The following MYH11 variants were observed in gnomAD, a reference collection of about 807,000 sequenced individuals.
The protein encoded by MYH11 is myosin-11.
A neutral mutation model predicts 246.6 loss-of-function variants in MYH11; 80 were observed. That is an observed-to-expected ratio of 0.32 (90% CI 0.27 to 0.39). The LOEUF is 0.39. Among genes scored for constraint, MYH11 ranks in the 10% least tolerant of loss-of-function variants. The probability of loss-of-function intolerance (pLI) is 1.00; values close to 1 mark genes in which losing one functional copy is unlikely to be tolerated. For missense variants in MYH11, 2,158 were observed against 2,546.8 expected (o/e 0.85, Z 3.29); for synonymous variants, 1,071 against 1,015.5 (o/e 1.05, Z -1.04).
intron 3 of MYH11, among the ~76,000 whole-genome samples, chr16:15,803,483 G>T (rs906315235): frequency 2.6e-5 from 4 of 151,842 alleles, no homozygotes; most frequent in African/African-American, 9.7e-5. Flanking sequence ...CACCATGTTG[G>T]CCAGGCTGGT....
chr16:15,793,554 A>G (rs62030576), intron 4 of MYH11, among the ~76,000 whole-genome samples: 18,826 of 150,832 alleles, frequency 0.12, 1,275 homozygotes, highest in Middle Eastern at 0.26. Context: ...CGGCCTCTCA[A>G]GGCCCTGAGT....
intron 40 of MYH11, among the ~76,000 whole-genome samples, chr16:15,706,911 TCTGTTTTGG>T (rs752780520): frequency 3.9e-5 from 6 of 152,100 alleles, no homozygotes; most frequent in Middle Eastern, 3.2e-3. Flanking sequence ...TGCAAGATAC[TCTGTTTTGG>T]CTGAAGTGCT....
chr16:15,724,506 C>T (rs2040648928), intron 30 of MYH11, 97 bp from the exon 31 acceptor site: 11 of 1,607,364 alleles, frequency 6.8e-6, no homozygotes, highest in Admixed American at 1.7e-5. Context: ...CATGTCTCCT[C>T]GTTGGAGAAA....
intron 27 of MYH11, among the ~76,000 whole-genome samples, chr16:15,729,410 C>T (rs910223685): frequency 1.3e-5 from 2 of 152,268 alleles, no homozygotes; most frequent in East Asian, 3.9e-4. Context: ...ATGCCGTCTG[C>T]TGGTGGTCTT....
intron 1 of MYH11, among the ~76,000 whole-genome samples, chr16:15,846,877 T>G (rs2044203337): frequency 6.6e-6 from 1 of 151,984 alleles, no homozygotes; most frequent in African/African-American, 2.4e-5. Context: ...TCACTTAAGC[T>G]CAGGAGGTCG....
intron 10 of MYH11, among the ~76,000 whole-genome samples, chr16:15,762,698 C>A (rs2151281190): frequency 6.6e-6 from 1 of 152,306 alleles, no homozygotes; most frequent in African/African-American, 2.4e-5. Flanking sequence ...AAACTCTGAT[C>A]CACGAATGCT....
intron 2 of MYH11, among the ~76,000 whole-genome samples, chr16:15,828,586 A>C (rs1373469224): frequency 6.6e-6 from 1 of 152,186 alleles, no homozygotes; most frequent in Non-Finnish European, 1.5e-5. Flanking sequence ...TGAGGTCAGG[A>C]GTTCGAGACC....
Position 15,747,671 on chromosome 16 carries a change from G to C in MYH11, c.2310C>G (p.Phe770Leu). Residue 770 changes from phenylalanine to leucine, a missense_variant, in exon 19 of 41, where the codon TTC becomes TTG. Transcript: ENST00000300036. ...LYRIGQSKIFFRTGVLAHLEE... is the reference protein window; with the variant it reads ...LYRIGQSKIFLRTGVLAHLEE... ...CTAGGTGGGCCAGGACGCCAGTTCG[G>C]AAGAAGATTTTGCTCTGCCCTATCC... 6.2e-7 allele frequency: 1 copy of C among 1,614,164 alleles called. No homozygotes were observed. Among genetic ancestry groups the C allele is most frequent in the Non-Finnish European group, 8.5e-7 (1 of 1,180,034 alleles).
rs1060500728 is a variant in MYH11 at position 15,720,192 on chromosome 16, T to C, written c.4912A>G (p.Lys1638Glu). 10 of 1,613,932 alleles carry C rather than the reference T, an allele frequency of 6.2e-6. No homozygotes were observed. The highest frequency in any genetic ancestry group is 8.5e-6 in the Non-Finnish European group (10 of 1,180,004). The change falls in exon 34 of 41, where the codon AAG becomes GAG. Residue 1638 changes from lysine to glutamate, a missense_variant. This residue lies in a region of MYH11 where 1,013 missense variants were observed against 993.5 expected (regional missense o/e 1.02). Coordinates refer to ENST00000300036, the MANE Select transcript of MYH11 (RefSeq NM_002474.3). Reference sequence around the variant, plus strand: ...TGCTTGATGGCTTCCTCCCTCCCCTTGATGGCAGAGTCGGCCTGAAGCTCC... The same window carrying C: ...TGCTTGATGGCTTCCTCCCTCCCCTCGATGGCAGAGTCGGCCTGAAGCTCC... ...DLELQADSAI[K>E]GREEAIKQLR...
rs1471365595 is a variant in MYH11, at chr16:15,703,917, G to A, written c.*74C>T. ...GCTGGGTTTTGCTTTGTTCTGGGTT[G>A]TTGTTGGGTTTTTTTTGTTTGTTTG... On this transcript the variant is annotated 3_prime_UTR_variant, in exon 41 of 41. Transcript: ENST00000300036. The A allele has an allele frequency of 6.2e-7, 1 of 1,600,780 alleles. No homozygotes were observed. The highest frequency in any genetic ancestry group is 1.1e-5 in the South Asian group (1 of 90,324).
intron 34 of MYH11, 52 bp downstream of exon 34, chr16:15,720,099 G>A (rs1345047798): frequency 6.2e-7 from 1 of 1,612,634 alleles, no homozygotes; most frequent in Non-Finnish European, 8.5e-7. Context: ...GGTGGCCTGA[G>A]GGGAACTGTG....
intron 4 of MYH11, 110 bp downstream of exon 4, chr16:15,798,550 T>C (rs1041513732): frequency 8.9e-7 from 1 of 1,125,948 alleles, no homozygotes; most frequent in African/African-American, 1.9e-5. Context: ...CATGAACAAA[T>C]CAAAGATCTC....
chr16:15,742,741 A>T (rs565381257), intron 20 of MYH11, among the ~76,000 whole-genome samples: 6 of 151,956 alleles, frequency 3.9e-5, no homozygotes, highest in African/African-American at 9.7e-5. Context: ...CACAAATAAA[A>T]TTTTTTTAAA....
intron 3 of MYH11, among the ~76,000 whole-genome samples, chr16:15,804,320 C>T (rs2042958632): frequency 6.6e-6 from 1 of 152,068 alleles, no homozygotes; most frequent in Non-Finnish European, 1.5e-5. Flanking sequence ...CTCCTAAAGT[C>T]GGGAGTTTGA....
At position 15,721,562 on chromosome 16, in the gene MYH11, C is replaced by T. The variant is rs864622710; in HGVS notation, c.4438G>A (p.Glu1480Lys). 1.2e-6 allele frequency: 2 copies of T among 1,614,116 alleles called. No homozygotes were observed. Among genetic ancestry groups the T allele is most frequent in the Non-Finnish European group, 1.7e-6 (2 of 1,180,062 alleles). Residue 1480 changes from glutamate (E) to lysine (K), a missense_variant, in exon 32 of 41, where the codon GAG (glutamate) becomes AAG (lysine). Transcript: ENST00000300036. ...ERDRAEAEAREKETKALSLAR... is the reference protein window; with the variant it reads ...ERDRAEAEARKKETKALSLAR... ...AGGGACAGGGCCTTGGTTTCCTTCT[C>T]CCTGGCTTCTGCCTCAGCTCTGTCC...
intron 2 of MYH11, among the ~76,000 whole-genome samples, chr16:15,830,465 T>C (rs1596920158): frequency 6.6e-6 from 1 of 152,110 alleles, no homozygotes; most frequent in Non-Finnish European, 1.5e-5. Flanking sequence ...TCTACTACCA[T>C]GGATGAATGG....
chr16:15,809,258 G>A (rs2043084797), intron 3 of MYH11, among the ~76,000 whole-genome samples: 5 of 152,124 alleles, frequency 3.3e-5, no homozygotes, highest in South Asian at 4.1e-4. Context: ...ATGACCGGGC[G>A]TGGTGGATCA....
In MYH11 at chr16:15,750,355, A is replaced by C. The variant is rs1400625063; in HGVS notation, c.1865-24T>G. ...CACTATGGGGCACAGCCAGGGTGGC[A>C]TCAGCCTCTGGCCCACCCACCCCTA... On this transcript the variant is annotated intron_variant, in intron 15 of 40. Transcript: ENST00000300036. This position sits in a 1 kb window ranked among gnomAD's most constrained non-coding sequence, Gnocchi z 4.3. 4 of 1,569,578 alleles carry C rather than the reference A, an allele frequency of 2.5e-6. No homozygotes were observed. In the East Asian group the frequency reaches 9.4e-5, roughly 37 times the overall value.
At chr16:15,786,469 G>A in intron 5 of MYH11, 161 bp downstream of exon 5, 1 of 800,922 alleles carries the variant, frequency 1.2e-6, no homozygotes, top group Non-Finnish European at 2.3e-6. Context: ...CACTCAACAG[G>A]CCTGCTCGCC....
Sources: allele counts gnomAD v4.1 joint callset (sites outside exome capture counted in the v4.1 genomes callset), GRCh38; gene constraint gnomAD v4.1.1; regional missense constraint gnomAD v4.1.1; non-coding constraint Gnocchi (gnomAD v3.1); transcripts MANE v1.5; gene names NCBI Gene and HGNC (gene_info 2026-07-23, HGNC 2026-07-21).